The following BCAS3 variants were observed in gnomAD, a reference collection of about 807,000 sequenced individuals.
BCAS3 encodes BCAS4/BCAS3 fusion.
In BCAS3, 53 loss-of-function variants were observed where a neutral mutation model predicts 116.1. That is an observed-to-expected ratio of 0.46 (90% CI 0.37 to 0.57). The LOEUF is 0.57. BCAS3 is among the 20% of genes least tolerant of loss of function. The probability of loss-of-function intolerance (pLI) is 0.00; values close to 1 mark genes in which losing one functional copy is unlikely to be tolerated. For synonymous variants in BCAS3, 391 were observed against 408.2 expected (o/e 0.96, Z 0.51); for missense variants, 917 against 1,165.4 (o/e 0.79, Z 3.10).
At chr17:60,724,023 T>C (rs2144112585) in intron 5 of BCAS3, among the ~76,000 whole-genome samples, 1 of 151,722 alleles carries the variant, frequency 6.6e-6, no homozygotes, top group Non-Finnish European at 1.5e-5. Context: ...CCCGGCCTAC[T>C]TTTTCACTTT....
At chr17:61,275,921 T>C (rs183722401) in intron 22 of BCAS3, among the ~76,000 whole-genome samples, 1 of 152,332 alleles carries the variant, frequency 6.6e-6, no homozygotes, top group East Asian at 1.9e-4. Flanking sequence ...ATCTGAATCG[T>C]AGTTCCAGAT....
rs571713426 is a variant in BCAS3, at chr17:61,313,098, T to C, written c.2426-55229T>C. ...TTAATCACTGACTCAGTAGCATTGATTGAGAAATCTACTCCGTGTTAGGCT... is the reference window on the plus strand; with the variant it reads ...TTAATCACTGACTCAGTAGCATTGACTGAGAAATCTACTCCGTGTTAGGCT... On this transcript the variant is annotated intron_variant, in intron 22 of 23. Coordinates refer to ENST00000407086, the MANE Select transcript of BCAS3 (RefSeq NM_017679.5). The surrounding 1 kb of genome is among the most constrained non-coding windows in gnomAD (Gnocchi z 4.3). 2.6e-5 allele frequency among the ~76,000 whole-genome samples: 4 copies of C among 152,208 alleles called. No homozygotes were observed. The East Asian group carries it at 5.8e-4, about 22-fold the overall frequency.
chr17:60,982,789 T>C lies in BCAS3; in HGVS notation c.1222-7182T>C, dbSNP rs576255954. On this transcript the variant is annotated intron_variant, in intron 14 of 23. Coordinates refer to ENST00000407086, the MANE Select transcript of BCAS3 (RefSeq NM_017679.5). Reference sequence around the variant, plus strand: ...CTTGTTATAAACAACAACTACATGGTACCTTTGATTTTGCTTTCTTGTCTT... The same window carrying C: ...CTTGTTATAAACAACAACTACATGGCACCTTTGATTTTGCTTTCTTGTCTT... Among the ~76,000 whole-genome samples, 40 of 152,330 alleles carry C rather than the reference T, an allele frequency of 2.6e-4. No homozygotes were observed. The South Asian group carries it at 7.7e-3, about 29-fold the overall frequency.
At chr17:60,983,970 C>G (rs938928886) in intron 14 of BCAS3, among the ~76,000 whole-genome samples, 3 of 152,192 alleles carry the variant, frequency 2.0e-5, no homozygotes, top group African/African-American at 7.2e-5. Context: ...AATAGGACCC[C>G]TGATCTATTC....
intron 14 of BCAS3, among the ~76,000 whole-genome samples, chr17:60,985,127 G>A (rs1018547188): frequency 3.4e-5 from 5 of 147,744 alleles, no homozygotes; most frequent in Admixed American, 2.7e-4. Flanking sequence ...AGTTATAAAC[G>A]ATTCAACTGT....
In BCAS3 at chr17:61,259,242, G is replaced by A. The variant is rs1434231418; in HGVS notation, c.2426-109085G>A. On this transcript the variant is annotated intron_variant, in intron 22 of 23. Coordinates refer to ENST00000407086, the MANE Select transcript of BCAS3 (RefSeq NM_017679.5). This position sits in a 1 kb window ranked among gnomAD's most constrained non-coding sequence, Gnocchi z 4.7. ...TTACATTTTTATTTTGAAAGAGCAT[G>A]GGGAGTGTAAGCAGAGCTCACAGAA... 1.3e-5 allele frequency among the ~76,000 whole-genome samples: 2 copies of A among 152,154 alleles called. No individual in the cohort carries two copies. The highest frequency in any genetic ancestry group is 2.9e-5 in the Non-Finnish European group (2 of 68,028).
At chr17:60,680,731 T>C (rs1353280165) in intron 2 of BCAS3, among the ~76,000 whole-genome samples, 1 of 151,948 alleles carries the variant, frequency 6.6e-6, no homozygotes, top group Non-Finnish European at 1.5e-5. Flanking sequence ...CACCTCCTCC[T>C]CTGTCTCCCA....
At chr17:61,115,989 G>T (rs1478759221) in intron 22 of BCAS3, among the ~76,000 whole-genome samples, 1 of 148,808 alleles carries the variant, frequency 6.7e-6, no homozygotes, top group Non-Finnish European at 1.5e-5. Flanking sequence ...ACTATCGCAA[G>T]AACAAAAAAC....
At position 60,708,790 on chromosome 17, in the gene BCAS3, A is replaced by G. The variant is rs57049456; in HGVS notation, c.215-429A>G. 5.5e-3 allele frequency among the ~76,000 whole-genome samples: 838 copies of G among 152,254 alleles called. 5 individuals carry two copies. The highest frequency in any genetic ancestry group is 0.019 in the African/African-American group (810 of 41,560). ...TGATCTGCCTGCCCCAGCCTCCCAA[A>G]GTGCTGGGATCACAGATGTGAGCCA... On this transcript the variant is annotated intron_variant, in intron 4 of 23. Transcript: ENST00000407086.
At position 61,144,174 on chromosome 17, in the gene BCAS3, G is replaced by A. The variant is rs2077074902; in HGVS notation, c.2425+59610G>A. ...TGCCACTGGTAAACTCCTGCCTAGA[G>A]GAATGCCAGAGGCAGAATAAATTTT... On this transcript the variant is annotated intron_variant, in intron 22 of 23. Transcript: ENST00000407086. This position sits in a 1 kb window ranked among gnomAD's most constrained non-coding sequence, Gnocchi z 5.0. Among the ~76,000 whole-genome samples the A allele has an allele frequency of 1.3e-5, 2 of 152,048 alleles. No homozygotes were observed. Among genetic ancestry groups the A allele is most frequent in the Non-Finnish European group, 2.9e-5 (2 of 68,014 alleles).
At chr17:60,976,020 C>CTTTTTTTTCTTTTTT (rs2062328030) in intron 14 of BCAS3, among the ~76,000 whole-genome samples, 2 of 98,284 alleles carry the variant, frequency 2.0e-5, no homozygotes, top group Admixed American at 1.6e-4. Flanking sequence ...TAGATTTTTG[C>CTTTTTTTTCTTTTTT]TTTTTTTTTT....
rs919448811 is a variant in BCAS3 at position 61,356,615 on chromosome 17, C to T, written c.2426-11712C>T. On this transcript the variant is annotated intron_variant, in intron 22 of 23. Coordinates refer to ENST00000407086, the MANE Select transcript of BCAS3 (RefSeq NM_017679.5). The surrounding 1 kb of genome is among the most constrained non-coding windows in gnomAD (Gnocchi z 5.4). ...TTTCTTGACAGTCATGAAAAGGTGT[C>T]TCCTAGGAAGCCGGGCCTGTTTATC... Among the ~76,000 whole-genome samples, 2 of 152,140 alleles carry T rather than the reference C, an allele frequency of 1.3e-5. No homozygotes were observed. Among genetic ancestry groups the T allele is most frequent in the African/African-American group, 4.8e-5 (2 of 41,436 alleles).
intron 19 of BCAS3, among the ~76,000 whole-genome samples, chr17:61,053,360 C>T (rs1416275086): frequency 1.3e-5 from 2 of 152,136 alleles, no homozygotes. Flanking sequence ...AAAGATTTTA[C>T]TATCCTGTTG....
In BCAS3 at chr17:61,020,405, G is replaced by A. The variant is rs2065792800; in HGVS notation, c.1637+4504G>A. ...TTGAAGCAGCACTTGGAGGTAATAAGGCCTGTTTTGGCAACAGCTGCTGCT... is the reference window on the plus strand; with the variant it reads ...TTGAAGCAGCACTTGGAGGTAATAAAGCCTGTTTTGGCAACAGCTGCTGCT... On this transcript the variant is annotated intron_variant, in intron 16 of 23. Coordinates refer to ENST00000407086, the MANE Select transcript of BCAS3 (RefSeq NM_017679.5). This position sits in a 1 kb window ranked among gnomAD's most constrained non-coding sequence, Gnocchi z 4.5. Among the ~76,000 whole-genome samples, 1 of 152,152 alleles carries A rather than the reference G, an allele frequency of 6.6e-6. No individual in the cohort carries two copies. The highest frequency in any genetic ancestry group is 6.5e-5 in the Admixed American group (1 of 15,278).
At chr17:61,079,622 G>A (rs2143498742) in intron 21 of BCAS3, among the ~76,000 whole-genome samples, 1 of 152,006 alleles carries the variant, frequency 6.6e-6, no homozygotes, top group Non-Finnish European at 1.5e-5. Context: ...TTGAGACGGA[G>A]TCTTGCTCTG....
chr17:60,851,965 G>A (rs77246419), intron 7 of BCAS3, among the ~76,000 whole-genome samples: 2,808 of 152,240 alleles, frequency 0.018, 78 homozygotes, highest in East Asian at 0.092. Flanking sequence ...CCAGAAAATA[G>A]TGTGGGATAT....
chr17:60,810,882 C>T lies in BCAS3; in HGVS notation c.476+2806C>T, dbSNP rs2048746488. On this transcript the variant is annotated intron_variant, in intron 7 of 23. Transcript: ENST00000407086. ...CTGGGTTGACCATGGAGGTAGATGCCCCCAAATCTCAGGATCTCACCAAGA... is the reference window on the plus strand; with the variant it reads ...CTGGGTTGACCATGGAGGTAGATGCTCCCAAATCTCAGGATCTCACCAAGA... The T allele has an allele frequency of 5.7e-6, 4 of 702,658 alleles. No homozygotes were observed. The Admixed American group carries it at 7.1e-5, about 12-fold the overall frequency. 43.5% of individuals were successfully genotyped at this position (702,658 alleles called of 1,614,324 possible). A position where few individuals can be genotyped will look rare whatever the true frequency, so the allele number is the denominator to read the frequency against.
intron 7 of BCAS3, chr17:60,821,767 C>A (rs2049989753): frequency 6.6e-6 from 1 of 151,980 alleles, no homozygotes; most frequent in Admixed American, 6.6e-5. Flanking sequence ...CTCACTGCAA[C>A]CTCTGCCTCC....
At chr17:60,981,113 G>A (rs1159226524) in intron 14 of BCAS3, among the ~76,000 whole-genome samples, 1 of 152,004 alleles carries the variant, frequency 6.6e-6, no homozygotes, top group African/African-American at 2.4e-5. Context: ...TGGGATTATA[G>A]GCATGAGCTA....
Sources: gnomAD v4.1 joint callset for allele counts (sites outside exome capture counted in the v4.1 genomes callset) on GRCh38, gnomAD v4.1.1 for gene constraint, Gnocchi (gnomAD v3.1) non-coding constraint, MANE v1.5 for transcripts, NCBI Gene and HGNC (gene_info 2026-07-23, HGNC 2026-07-21) for gene names.